PDE1A: variants seen among roughly 807,000 people sequenced by gnomAD.
PDE1A encodes the protein phosphodiesterase 1A.
PDE1A carries 35 observed loss-of-function variants against 61.7 expected under a neutral mutation model. That is an observed-to-expected ratio of 0.57 (90% CI 0.43 to 0.75). The LOEUF is 0.75. PDE1A is among the 30% of genes least tolerant of loss of function. PDE1A has a pLI of 0.00. For synonymous variants in PDE1A, 232 were observed against 213.2 expected, an observed-to-expected ratio of 1.09 and a Z score of -0.77; for missense variants, 597 against 630.6, an observed-to-expected ratio of 0.95 and a Z score of 0.57.
chr2:182,569,254 AATAT>A, the PDE1A span, among the ~76,000 whole-genome samples: 109 of 138,448 alleles, frequency 7.9e-4, no homozygotes, highest in South Asian at 6.6e-3. Flanking sequence ...ACCTGTCTCA[AATAT>A]ATATATATAT....
chr2:182,486,822 A>C (rs1457567922), intron 2 of PDE1A, among the ~76,000 whole-genome samples: 3 of 152,172 alleles, frequency 2.0e-5, no homozygotes, highest in African/African-American at 7.2e-5. Flanking sequence ...CTAATATTAC[A>C]AAGACTTCTA....
At chr2:182,623,071 A>T in the PDE1A span, among the ~76,000 whole-genome samples, 9 of 152,202 alleles carry the variant, frequency 5.9e-5, no homozygotes, top group Non-Finnish European at 8.8e-5. Flanking sequence ...TGCAGTTTGC[A>T]CAAGTGGTTG....
At chr2:182,213,728 A>C (rs1574727381) in intron 7 of PDE1A, among the ~76,000 whole-genome samples, 1 of 67,578 alleles carries the variant, frequency 1.5e-5, no homozygotes, top group African/African-American at 5.4e-5. Flanking sequence ...AAAAAGAATA[A>C]AAAGAAACGA....
At chr2:182,242,515 C>T (rs1574123711) in intron 2 of PDE1A, among the ~76,000 whole-genome samples, 2 of 152,148 alleles carry the variant, frequency 1.3e-5, no homozygotes, top group East Asian at 1.9e-4. Flanking sequence ...TTTTATGTGT[C>T]ACCATAGGTA....
At position 182,460,592 on chromosome 2, in the gene PDE1A, C is replaced by G. The variant is rs145839408; in HGVS notation, c.101+61684G>C. On this transcript the variant is annotated intron_variant, in intron 2 of 14. Transcript: ENST00000410103. ...TTGCATTTGCCTTGTTTCCTTTGCT[C>G]GACTAAAGATGACTTTTCTTTCATG... is the stretch of plus-strand genomic sequence containing the variant. Among the ~76,000 whole-genome samples, 433 of 152,100 alleles carry G rather than the reference C, an allele frequency of 2.8e-3. 9 individuals are homozygous for G. The highest frequency in any genetic ancestry group is 4.7e-4 in the Non-Finnish European group (32 of 68,008).
chr2:182,716,118 T>G, the PDE1A span: 4 of 152,460 alleles, frequency 2.6e-5, no homozygotes, highest in African/African-American at 9.7e-5. Flanking sequence ...CGGAGCCGGA[T>G]CCCGCGCACA....
Position 182,267,423 on chromosome 2 carries a change from ACACATG to A in PDE1A, c.54-3015_54-3010del, listed in dbSNP as rs1401092344. Among the ~76,000 whole-genome samples, 4 of 93,448 alleles carry A rather than the reference ACACATG, an allele frequency of 4.3e-5. No individual in the cohort carries two copies. In the Admixed American group the frequency reaches 4.7e-4, roughly 11 times the overall value. The allele number at this position is 93,448 out of a possible 152,430, so 61.3% of individuals were successfully genotyped here. A position where few individuals can be genotyped will look rare whatever the true frequency, so the allele number is the denominator to read the frequency against. ...TCAGTAAAACCATATCCCCTCATGC[ACACATG>A]CACACACACACACACACACACACAC... is the stretch of plus-strand genomic sequence containing the variant. On this transcript the variant is annotated intron_variant, in intron 1 of 13. Coordinates refer to ENST00000351439, the Ensembl canonical transcript of PDE1A.
At chr2:182,502,313 CGTGTGT>C (rs35441240) in intron 2 of PDE1A, among the ~76,000 whole-genome samples, 2 of 150,212 alleles carry the variant, frequency 1.3e-5, no homozygotes, top group East Asian at 2.0e-4. Flanking sequence ...TACTCTCTTT[CGTGTGT>C]GTGTGTGTGT....
chr2:182,418,571 G>A (rs966488477), intron 1 of PDE1A, among the ~76,000 whole-genome samples: 21 of 151,994 alleles, frequency 1.4e-4, no homozygotes, highest in Admixed American at 5.2e-4. Flanking sequence ...CTTCAACAGC[G>A]GAATGAACTG....
At chr2:182,541,113 G>A in the PDE1A span, among the ~76,000 whole-genome samples, 197 of 152,252 alleles carry the variant, frequency 1.3e-3, 3 homozygotes, top group South Asian at 6.9e-3. Flanking sequence ...AGAGGATAGA[G>A]TTCAAAACAT....
chr2:182,193,275 C>T (rs973005759), intron 10 of PDE1A, among the ~76,000 whole-genome samples: 4 of 152,044 alleles, frequency 2.6e-5, no homozygotes, highest in African/African-American at 9.7e-5. Flanking sequence ...CGTGAGCCAC[C>T]GCGCCTGGCC....
intron 1 of PDE1A, among the ~76,000 whole-genome samples, chr2:182,280,155 A>G (rs1693707436): frequency 6.6e-6 from 1 of 151,990 alleles, no homozygotes; most frequent in African/African-American, 2.4e-5. Flanking sequence ...TTTATTACCC[A>G]AAGTAATGAA....
At chr2:182,325,586 C>T (rs1696984531) in intron 1 of PDE1A, among the ~76,000 whole-genome samples, 1 of 152,038 alleles carries the variant, frequency 6.6e-6, no homozygotes, top group Non-Finnish European at 1.5e-5. Flanking sequence ...GATTAAGATC[C>T]AGAATACATA....
chr2:182,604,459 T>G, the PDE1A span, among the ~76,000 whole-genome samples: 2 of 152,190 alleles, frequency 1.3e-5, no homozygotes, highest in Non-Finnish European at 2.9e-5. Flanking sequence ...ACAGTCATAT[T>G]CAGAGAAATG....
chr2:182,630,817 C>T, the PDE1A span, among the ~76,000 whole-genome samples: 1 of 152,106 alleles, frequency 6.6e-6, no homozygotes, highest in African/African-American at 2.4e-5. Context: ...TGGCAAGATC[C>T]AGGTGCTCAC....
At chr2:182,556,510 G>T in the PDE1A span, among the ~76,000 whole-genome samples, 1 of 152,264 alleles carries the variant, frequency 6.6e-6, no homozygotes, top group South Asian at 2.1e-4. Flanking sequence ...TAATAATGAT[G>T]CAAGCACCAG....
intron 2 of PDE1A, among the ~76,000 whole-genome samples, chr2:182,509,828 C>T (rs902233571): frequency 3.9e-5 from 6 of 152,132 alleles, no homozygotes; most frequent in Admixed American, 1.3e-4. Context: ...TATTTTGAAC[C>T]AACTCTTAGA....
chr2:182,150,590 T>C (rs1690725802), intron 13 of PDE1A, among the ~76,000 whole-genome samples: 1 of 152,222 alleles, frequency 6.6e-6, no homozygotes, highest in South Asian at 2.1e-4. Flanking sequence ...TCTGTTCAGT[T>C]CAAAGAGTTT....
chr2:182,477,165 T>C (rs1427124589), intron 2 of PDE1A, among the ~76,000 whole-genome samples: 1 of 151,922 alleles, frequency 6.6e-6, no homozygotes, highest in Non-Finnish European at 1.5e-5. Flanking sequence ...ATATATCCTA[T>C]ATTGAGAACC....
Sources: allele counts gnomAD v4.1 joint callset (sites outside exome capture counted in the v4.1 genomes callset), GRCh38; gene constraint gnomAD v4.1.1; transcripts MANE v1.5; gene names NCBI Gene and HGNC (gene_info 2026-07-23, HGNC 2026-07-21).